OR1J2: variants seen among roughly 807,000 people sequenced by gnomAD.
OR1J2 encodes the protein olfactory receptor family 1 subfamily J member 2.
For synonymous variants in OR1J2, 142 were observed against 99.7 expected (o/e 1.42, Z -2.52); for missense variants, 304 against 246.1 (o/e 1.24, Z -1.57).
chr9:122,503,475 C>G, the OR1J2 span, among the ~76,000 whole-genome samples: 1 of 152,212 alleles, frequency 6.6e-6, no homozygotes, highest in South Asian at 2.1e-4. Context: ...TCTACCTCCA[C>G]GGCCACAGGA....
At chr9:122,452,841 C>A in the OR1J2 span, among the ~76,000 whole-genome samples, 587 of 150,744 alleles carry the variant, frequency 3.9e-3, 2 homozygotes, top group Non-Finnish European at 6.3e-3. Flanking sequence ...CCAGCCTGAC[C>A]AACATGGTGA....
the OR1J2 span, among the ~76,000 whole-genome samples, chr9:122,498,629 T>G: frequency 2.0e-5 from 3 of 152,214 alleles, no homozygotes; most frequent in African/African-American, 2.4e-5. Context: ...CTGTCATTTC[T>G]GAGATTCCAT....
At chr9:122,462,327 T>G in the OR1J2 span, among the ~76,000 whole-genome samples, 2 of 152,186 alleles carry the variant, frequency 1.3e-5, no homozygotes, top group Admixed American at 1.3e-4. Flanking sequence ...CGGATGAGTC[T>G]CTTGAAGACA....
At chr9:122,486,436 A>G in the OR1J2 span, among the ~76,000 whole-genome samples, 5 of 152,230 alleles carry the variant, frequency 3.3e-5, no homozygotes, top group Non-Finnish European at 7.3e-5. Context: ...TATATCTTCA[A>G]ATAGGACAAT....
At chr9:122,564,000 ACTATAG>A in the OR1J2 span, among the ~76,000 whole-genome samples, 1 of 152,142 alleles carries the variant, frequency 6.6e-6, no homozygotes, top group Admixed American at 6.5e-5. Context: ...TGTTTCAGTT[ACTATAG>A]CTTTATAGTA....
chr9:122,526,415 C>G, the OR1J2 span: 11 of 1,515,748 alleles, frequency 7.3e-6, no homozygotes, highest in Non-Finnish European at 9.7e-6. Context: ...CCTTCATGTC[C>G]TTGTTCCTTA....
chr9:122,548,407 A>G, the OR1J2 span, among the ~76,000 whole-genome samples: 2 of 152,158 alleles, frequency 1.3e-5, no homozygotes, highest in South Asian at 2.1e-4. Flanking sequence ...TTCCACAAGG[A>G]AATGTCATCT....
chr9:122,489,076 T>C, the OR1J2 span, among the ~76,000 whole-genome samples: 1 of 146,540 alleles, frequency 6.8e-6, no homozygotes, highest in Non-Finnish European at 1.5e-5. Flanking sequence ...CACAATTTTC[T>C]GTCCCCAAAG....
the OR1J2 span, among the ~76,000 whole-genome samples, chr9:122,570,818 A>G: frequency 5.4e-5 from 8 of 147,842 alleles, no homozygotes; most frequent in African/African-American, 1.7e-4. Flanking sequence ...CAATAATATT[A>G]ACAAATATTT....
the OR1J2 span, among the ~76,000 whole-genome samples, chr9:122,500,002 A>T: frequency 6.6e-6 from 1 of 152,192 alleles, no homozygotes; most frequent in African/African-American, 2.4e-5. Context: ...GCACAATTAT[A>T]GCACCTACTG....
the OR1J2 span, chr9:122,477,829 C>T: frequency 6.2e-7 from 1 of 1,613,902 alleles, no homozygotes; most frequent in South Asian, 1.1e-5. Context: ...CAGGTACATG[C>T]CCAGGAACAG....
At chr9:122,547,823 C>A in the OR1J2 span, among the ~76,000 whole-genome samples, 2 of 152,048 alleles carry the variant, frequency 1.3e-5, no homozygotes, top group Non-Finnish European at 2.9e-5. Context: ...AGTGAAATTG[C>A]TGGATCAAAT....
chr9:122,579,473 G>T, the OR1J2 span, among the ~76,000 whole-genome samples: 1 of 152,126 alleles, frequency 6.6e-6, no homozygotes, highest in South Asian at 2.1e-4. Context: ...TTGTACTGGA[G>T]CAAAAGGCAG....
chr9:122,518,086 G>A, the OR1J2 span, among the ~76,000 whole-genome samples: 3 of 152,138 alleles, frequency 2.0e-5, no homozygotes, highest in Non-Finnish European at 2.9e-5. Context: ...ATTCCCAATA[G>A]CAAAGACATG....
chr9:122,563,181 G>GTTTTTT, the OR1J2 span, among the ~76,000 whole-genome samples: 1 of 90,206 alleles, frequency 1.1e-5, no homozygotes, highest in African/African-American at 4.5e-5. Context: ...ACTAGCATTT[G>GTTTTTT]TTATTTTTTT....
chr9:122,505,006 C>T, the OR1J2 span, among the ~76,000 whole-genome samples: 1 of 152,028 alleles, frequency 6.6e-6, no homozygotes, highest in Non-Finnish European at 1.5e-5. Context: ...ACCGTCTTCC[C>T]TGGGTTTTGC....
chr9:122,546,207 C>G, the OR1J2 span, among the ~76,000 whole-genome samples: 1 of 151,968 alleles, frequency 6.6e-6, no homozygotes, highest in African/African-American at 2.4e-5. Context: ...TGGGAGGGGC[C>G]GAGTCTATTT....
chr9:122,472,735 A>G, the OR1J2 span, among the ~76,000 whole-genome samples: 1 of 152,224 alleles, frequency 6.6e-6, no homozygotes, highest in Non-Finnish European at 1.5e-5. Context: ...ATCTGCAATC[A>G]GGAGATTTTG....
At chr9:122,568,001 C>T in the OR1J2 span, 1 of 1,613,990 alleles carries the variant, frequency 6.2e-7, no homozygotes, top group South Asian at 1.1e-5. Flanking sequence ...GAAGTGTGTG[C>T]AGGAGTGAGT....
Sources: allele counts gnomAD v4.1 joint callset (sites outside exome capture counted in the v4.1 genomes callset), GRCh38; gene constraint gnomAD v4.1.1; transcripts MANE v1.5; gene names NCBI Gene and HGNC (gene_info 2026-07-23, HGNC 2026-07-21).